Variants in ASCC2 observed in about 807,000 individuals in gnomAD.
ASCC2 encodes activating signal cointegrator 1 complex subunit 2.
In ASCC2, 42 loss-of-function variants were observed where a neutral mutation model predicts 93.5. The ratio of observed to expected loss-of-function variants is 0.45; its 90% CI spans 0.35 to 0.58. The LOEUF is 0.58. ASCC2 is among the 20% of genes least tolerant of loss of function. The pLI, the probability that ASCC2 is intolerant of heterozygous loss-of-function variation, is 0.00. For missense variants in ASCC2, 859 were observed against 977.6 expected (o/e 0.88, Z 1.62); for synonymous variants, 364 against 384.2 (o/e 0.95, Z 0.62).
At chr22:29,814,811 G>T in intron 6 of ASCC2, 44 bp from the exon 7 acceptor site, 1 of 1,521,356 alleles carries the variant, frequency 6.6e-7, no homozygotes, top group Non-Finnish European at 9.0e-7. Context: ...TACTGAACCA[G>T]GGCTAGGACC....
At position 29,825,575 on chromosome 22, in the gene ASCC2, G is replaced by T. The variant is rs767959707; in HGVS notation, c.240+47C>A. ...AAAACAACAACAGCAACCAACCAAT[G>T]GCATGTCATGTGCTTTGTCTTAGCG... On this transcript the variant is annotated intron_variant, in intron 3 of 19. Coordinates refer to ENST00000307790, the MANE Select transcript of ASCC2 (RefSeq NM_032204.5). This position sits in a 1 kb window ranked among gnomAD's most constrained non-coding sequence, Gnocchi z 4.9. 7 of 1,612,660 alleles carry T rather than the reference G, an allele frequency of 4.3e-6. No homozygotes were observed. The East Asian group carries it at 1.6e-4, about 36-fold the overall frequency.
intron 9 of ASCC2, 24 bp downstream of exon 9, chr22:29,808,087 T>C: frequency 6.2e-7 from 1 of 1,613,376 alleles, no homozygotes; most frequent in Non-Finnish European, 8.5e-7. Context: ...CACAACAACA[T>C]TCTTAATTTT....
rs778175009 is a variant in ASCC2 at position 29,808,131 on chromosome 22, C to T, written c.888G>A (p.Lys296=). Residue 296 remains lysine (K), a synonymous_variant, in exon 9 of 20, where the codon AAG becomes AAA. Coordinates refer to ENST00000307790, the MANE Select transcript of ASCC2 (RefSeq NM_032204.5). ...AIPEMESAIK[K]RRLEDSKLLG... ...CTCACTTGCTATCTTCAAGCCTCCT[C>T]TTCTTAATTGCAGACTCCATTTCGG... is the stretch of plus-strand genomic sequence containing the variant. 1.1e-5 allele frequency: 17 copies of T among 1,614,146 alleles called. No individual in the cohort carries two copies. Among genetic ancestry groups the T allele is most frequent in the Non-Finnish European group, 1.4e-5 (16 of 1,180,054 alleles).
At chr22:29,790,648 T>C (rs2057606577) in intron 18 of ASCC2, 100 bp from the exon 19 acceptor site, 1 of 1,227,472 alleles carries the variant, frequency 8.1e-7, no homozygotes, top group Non-Finnish European at 1.2e-6. Flanking sequence ...GATGCCTCCA[T>C]GCCAGGTGTG....
chr22:29,813,163 G>A (rs1192073210), intron 8 of ASCC2, among the ~76,000 whole-genome samples: 1 of 152,168 alleles, frequency 6.6e-6, no homozygotes, highest in Non-Finnish European at 1.5e-5. Flanking sequence ...TGACAGGCAT[G>A]AGCCAACGCG....
At chr22:29,832,419 CAG>C in intron 1 of ASCC2, 77 bp from the exon 2 acceptor site, 2 of 1,172,478 alleles carry the variant, frequency 1.7e-6, no homozygotes, top group Non-Finnish European at 2.5e-6. Flanking sequence ...GGGCTGATCC[CAG>C]AGTCAGAAGA....
chr22:29,838,091 T>C (rs900776728), intron 1 of ASCC2, 87 bp downstream of exon 1: 4 of 449,888 alleles, frequency 8.9e-6, no homozygotes, highest in Admixed American at 2.4e-5. Context: ...GGCCAGAGGA[T>C]GGGAGAGCCA....
rs2068463678 is a variant in ASCC2, at chr22:29,788,771, G to A, written c.*242C>T. The A allele has an allele frequency of 1.8e-6, 1 of 544,286 alleles. No individual in the cohort carries two copies. Among genetic ancestry groups the A allele is most frequent in the South Asian group, 2.2e-5 (1 of 46,380 alleles). 33.7% of individuals were successfully genotyped at this position (544,286 alleles called of 1,614,324 possible). ...ATCTCTTTCCCGCTAGCGCAGCTGG[G>A]GGAAGGTGCCTGCTTGCCGGCCCCA... On this transcript the variant is annotated 3_prime_UTR_variant, in exon 20 of 20. Coordinates refer to ENST00000307790, the MANE Select transcript of ASCC2 (RefSeq NM_032204.5).
chr22:29,805,282 C>A (rs961264567), intron 12 of ASCC2, among the ~76,000 whole-genome samples: 1 of 152,230 alleles, frequency 6.6e-6, no homozygotes, highest in African/African-American at 2.4e-5. Flanking sequence ...GACCCATAAG[C>A]TGGCTGCTCC....
Position 29,807,971 on chromosome 22 carries a change from G to A in ASCC2, c.908+140C>T, listed in dbSNP as rs562676460. The A allele has an allele frequency of 1.3e-4, 94 of 748,514 alleles. No individual in the cohort carries two copies. In the African/African-American group the frequency reaches 1.4e-3, roughly 11 times the overall value. 46.4% of individuals were successfully genotyped at this position (748,514 alleles called of 1,614,324 possible). On this transcript the variant is annotated intron_variant, in intron 9 of 19. Coordinates refer to ENST00000307790, the MANE Select transcript of ASCC2 (RefSeq NM_032204.5). The stretch of plus-strand genomic sequence containing the variant: ...AGAGGTCAGGAAGTGGCTAGATAGG[G>A]ATGCAGAAGCTCAAAGCTGCACAGT...
rs373314631 is a variant in ASCC2, at chr22:29,789,515, G to A, written c.2103-331C>T. The stretch of plus-strand genomic sequence containing the variant: ...GGGTCTCCTCCTTTCTCCCTCTGGG[G>A]CCACATGCTGTAGCTGAGACATTAC... On this transcript the variant is annotated intron_variant, in intron 19 of 19. Coordinates refer to ENST00000307790, the MANE Select transcript of ASCC2 (RefSeq NM_032204.5). 9.3e-4 allele frequency among the ~76,000 whole-genome samples: 141 copies of A among 152,328 alleles called. 2 individuals are homozygous for A. In the South Asian group the frequency reaches 0.028, roughly 31 times the overall value.
At chr22:29,809,302 A>G (rs2060032748) in intron 8 of ASCC2, among the ~76,000 whole-genome samples, 1 of 152,070 alleles carries the variant, frequency 6.6e-6, no homozygotes, top group Non-Finnish European at 1.5e-5. Flanking sequence ...CATATTTTCT[A>G]CATTGGCTTA....
chr22:29,817,171 C>T (rs2060958019), intron 5 of ASCC2, among the ~76,000 whole-genome samples: 1 of 152,130 alleles, frequency 6.6e-6, no homozygotes, highest in African/African-American at 2.4e-5. Context: ...TTTTACCAGC[C>T]CGCACTTGCT....
intron 8 of ASCC2, among the ~76,000 whole-genome samples, chr22:29,809,583 C>T (rs36575): frequency 0.099 from 14,983 of 151,876 alleles, 926 homozygotes; most frequent in African/African-American, 0.16. Context: ...AGTTTGAGAC[C>T]AGCCTGGCCA....
chr22:29,815,357 G>A (rs1363246669), intron 6 of ASCC2: 1 of 152,786 alleles, frequency 6.5e-6, no homozygotes, highest in African/African-American at 2.4e-5. Flanking sequence ...GACCGCATAG[G>A]CCAGGCAAGT....
chr22:29,834,486 C>CACCT lies in ASCC2; in HGVS notation c.-17-2148_-17-2145dup, dbSNP rs1347108400. On this transcript the variant is annotated intron_variant, in intron 1 of 19. Coordinates refer to ENST00000307790, the MANE Select transcript of ASCC2 (RefSeq NM_032204.5). The stretch of plus-strand genomic sequence containing the variant: ...GAGGACCAGTCTGCCTAGTCCTTGA[C>CACCT]ACCTGTTCCAGCTCTAGGATCCCAG... The CACCT allele has an allele frequency of 8.5e-6, 4 of 471,086 alleles. No homozygotes were observed. In the East Asian group the frequency reaches 2.8e-4, roughly 33 times the overall value. 29.2% of individuals were successfully genotyped at this position (471,086 alleles called of 1,614,324 possible).
chr22:29,825,234 C>T lies in ASCC2; in HGVS notation c.264G>A (p.Gln88=). The change falls in exon 4 of 20, where the codon CAG becomes CAA. Residue 88 remains glutamine, a synonymous_variant. Coordinates refer to ENST00000307790, the MANE Select transcript of ASCC2 (RefSeq NM_032204.5). This position sits in a 1 kb window ranked among gnomAD's most constrained non-coding sequence, Gnocchi z 4.9. ...AGCGCAGGTAGGAGTCCAGGCACTT[C>T]TGTAGAGTCTCGTCAAAGATCACCT... ...WCQVIFDETL[Q]KCLDSYLRYV... is the part of the protein sequence containing the mutation. 6.5e-7 allele frequency: 1 copy of T among 1,527,712 alleles called. No individual in the cohort carries two copies. Among genetic ancestry groups the T allele is most frequent in the South Asian group, 1.3e-5 (1 of 77,904 alleles). 94.6% of individuals were successfully genotyped at this position (1,527,712 alleles called of 1,614,324 possible). A position where few individuals can be genotyped will look rare whatever the true frequency, so the allele number is the denominator to read the frequency against.
At chr22:29,790,653 G>T in intron 18 of ASCC2, 105 bp from the exon 19 acceptor site, 1 of 1,174,816 alleles carries the variant, frequency 8.5e-7, no homozygotes, top group Non-Finnish European at 1.3e-6. Flanking sequence ...CTCCATGCCA[G>T]GTGTGGGGGG....
chr22:29,838,036 G>A (rs1046681819), intron 1 of ASCC2, 142 bp downstream of exon 1: 8 of 380,618 alleles, frequency 2.1e-5, no homozygotes, highest in Non-Finnish European at 2.6e-5. Flanking sequence ...CTCGAGAGGC[G>A]GCTCACAACC....
Sources: gnomAD v4.1 joint callset for allele counts (sites outside exome capture counted in the v4.1 genomes callset) on GRCh38, gnomAD v4.1.1 for gene constraint, Gnocchi (gnomAD v3.1) non-coding constraint, MANE v1.5 for transcripts, NCBI Gene and HGNC (gene_info 2026-07-23, HGNC 2026-07-21) for gene names.